The following GCA variants were observed in gnomAD, a reference collection of about 807,000 sequenced individuals.
The protein encoded by GCA is grancalcin, also known as grancalcin, EF-hand calcium-binding protein.
Under a neutral mutation model 32.6 loss-of-function variants are expected in GCA, and 30 were observed. The ratio of observed to expected loss-of-function variants is 0.92; its 90% CI spans 0.69 to 1.25. The LOEUF (loss-of-function observed/expected upper bound fraction) is 1.25. Among genes scored for constraint, GCA ranks in the 50% most tolerant of loss-of-function variants. The probability of loss-of-function intolerance (pLI) is 0.00; values close to 1 mark genes in which losing one functional copy is unlikely to be tolerated. For synonymous variants in GCA, 102 were observed against 84.6 expected, an observed-to-expected ratio of 1.21 and a Z score of -1.13; for missense variants, 291 against 266.8, an observed-to-expected ratio of 1.09 and a Z score of -0.63.
At chr2:162,342,696 T>G (rs1037135971), upstream of GCA, among the ~76,000 whole-genome samples, 6 of 152,202 alleles carry the variant, frequency 3.9e-5, no homozygotes, top group Non-Finnish European at 7.4e-5. Flanking sequence ...AAGGCTATTT[T>G]GATGAAAACA....
chr2:162,344,416 G>C (rs1470287684), intron 1 of GCA, 141 bp downstream of exon 1: 2 of 775,690 alleles, frequency 2.6e-6, no homozygotes, highest in Non-Finnish European at 4.3e-6. Context: ...TTCCGGGGCT[G>C]TTGGGGGCCA....
intron 3 of GCA, among the ~76,000 whole-genome samples, chr2:162,353,330 TGGTGGC>T (rs1261938652): frequency 1.3e-5 from 2 of 152,052 alleles, no homozygotes; most frequent in African/African-American, 4.8e-5. Flanking sequence ...TAACTGGGCG[TGGTGGC>T]ACGCACCTGT....
Position 162,360,432 on chromosome 2 carries a change from T to A in GCA, c.*189T>A. 8.5e-7 allele frequency: 1 copy of A among 1,180,794 alleles called. No individual in the cohort carries two copies. Among genetic ancestry groups the A allele is most frequent in the Non-Finnish European group, 1.1e-6 (1 of 904,732 alleles). The allele number at this position is 1,180,794 out of a possible 1,614,324, so 73.1% of individuals were successfully genotyped here. A position where few individuals can be genotyped will look rare whatever the true frequency, so the allele number is the denominator to read the frequency against. Reference sequence around the variant, plus strand: ...AAGATTTCTTTTTTAATTTGAGGTATTACTGCTTTTGGAAAAGTTATTTTA... The same window carrying A: ...AAGATTTCTTTTTTAATTTGAGGTAATACTGCTTTTGGAAAAGTTATTTTA... On this transcript the variant is annotated 3_prime_UTR_variant, in exon 8 of 8. Transcript: ENST00000437150.
chr2:162,345,067 A>G (rs922643560), intron 1 of GCA, among the ~76,000 whole-genome samples: 1 of 125,562 alleles, frequency 8.0e-6, no homozygotes, highest in Non-Finnish European at 1.6e-5. Flanking sequence ...GGTCTTCAAA[A>G]GAGTTACTCC....
downstream of GCA, among the ~76,000 whole-genome samples, chr2:162,365,718 TTTCAGCTAAAAA>T (rs1685731925): frequency 6.6e-6 from 1 of 151,616 alleles, no homozygotes; most frequent in South Asian, 2.1e-4. Flanking sequence ...AAAATGCAAA[TTTCAGCTAAAAA>T]GCGTTAATGT....
At position 162,362,198 on chromosome 2, in the gene GCA, A is replaced by C. The variant is rs1685601073; in HGVS notation, c.*1955A>C. Reference sequence around the variant, plus strand: ...CATCTGAAACCCCAAGGTTAATAAAATCAGTCATGTTTAATTTTATTTGAC... The same window carrying C: ...CATCTGAAACCCCAAGGTTAATAAACTCAGTCATGTTTAATTTTATTTGAC... On this transcript the variant is annotated 3_prime_UTR_variant, in exon 8 of 8. Coordinates refer to ENST00000437150, the MANE Select transcript of GCA (RefSeq NM_012198.5). 6.1e-6 allele frequency: 6 copies of C among 984,430 alleles called. No homozygotes were observed. Among genetic ancestry groups the C allele is most frequent in the Non-Finnish European group, 7.2e-6 (6 of 829,302 alleles). 61.0% of individuals were successfully genotyped at this position (984,430 alleles called of 1,614,324 possible).
rs1243075701 is a variant in GCA at position 162,344,261 on chromosome 2, G to T, written c.13G>T (p.Gly5Ter). 7 of 1,613,602 alleles carry T rather than the reference G, an allele frequency of 4.3e-6. No homozygotes were observed. The East Asian group carries it at 1.3e-4, about 31-fold the overall frequency. ...CGTCCCGCTCGTCATGGCCTACCCG[G>T]GATACGGAGGAGGGGTGAGTCCCAG... MAYP[G>*]YGGGFGNFSI... Residue 5 changes from glycine (G) to a stop codon, truncating the protein, a stop_gained, in exon 1 of 8, where the codon GGA becomes TGA. Transcript: ENST00000437150. LOFTEE classifies it high-confidence loss of function.
At chr2:162,321,415 G>A (rs926509513) in intron 1 of GCA, among the ~76,000 whole-genome samples, 3 of 152,030 alleles carry the variant, frequency 2.0e-5, no homozygotes, top group Non-Finnish European at 4.4e-5. Flanking sequence ...ACAATTTAAC[G>A]ACCATGCATA....
chr2:162,334,362 T>C (rs1027661779), intron 1 of GCA, among the ~76,000 whole-genome samples: 6 of 152,248 alleles, frequency 3.9e-5, no homozygotes, highest in Non-Finnish European at 7.3e-5. Context: ...AAACATGTTA[T>C]AAAGGCAGAG....
chr2:162,334,426 GA>G (rs1267675203), intron 1 of GCA, among the ~76,000 whole-genome samples: 1 of 151,968 alleles, frequency 6.6e-6, no homozygotes, highest in African/African-American at 2.4e-5. Context: ...CCAATCTTCA[GA>G]AAAAAATCAT....
chr2:162,360,113 C>A, intron 7 of GCA, 104 bp from the exon 8 acceptor site: 1 of 706,244 alleles, frequency 1.4e-6, no homozygotes, highest in Non-Finnish European at 2.4e-6. Flanking sequence ...GCCTTGGAAA[C>A]AAACTTTTCT....
rs1384748262 is a variant in GCA at position 162,360,759 on chromosome 2, A to G, written c.*516A>G. The G allele has an allele frequency of 7.2e-7, 1 of 1,386,244 alleles. No individual in the cohort carries two copies. Among genetic ancestry groups the G allele is most frequent in the African/African-American group, 1.5e-5 (1 of 67,510 alleles). The allele number at this position is 1,386,244 out of a possible 1,614,324, so 85.9% of individuals were successfully genotyped here. A position where few individuals can be genotyped will look rare whatever the true frequency, so the allele number is the denominator to read the frequency against. On this transcript the variant is annotated 3_prime_UTR_variant, in exon 8 of 8. Coordinates refer to ENST00000437150, the MANE Select transcript of GCA (RefSeq NM_012198.5). ...TCAAATAATCAGAGAAAAGAAACTT[A>G]AAGATCTTTGTCTGTGAAGAAGAAA...
chr2:162,343,808 G>C (rs1386559080), upstream of GCA, among the ~76,000 whole-genome samples: 1 of 152,194 alleles, frequency 6.6e-6, no homozygotes, highest in African/African-American at 2.4e-5. Context: ...GGGGTTTCTA[G>C]AAAGAAAAGT....
At chr2:162,333,708 A>G (rs1407460941) in intron 1 of GCA, among the ~76,000 whole-genome samples, 1 of 152,176 alleles carries the variant, frequency 6.6e-6, no homozygotes, top group Non-Finnish European at 1.5e-5. Context: ...TATGATTTTT[A>G]ATAGAGAAAA....
intron 5 of GCA, among the ~76,000 whole-genome samples, chr2:162,358,519 G>A (rs1465202555): frequency 1.3e-5 from 2 of 151,328 alleles, no homozygotes; most frequent in Non-Finnish European, 3.0e-5. Flanking sequence ...TACAGTGTAT[G>A]AAGAAACACT....
chr2:162,350,345 G>C (rs556844706), intron 2 of GCA, among the ~76,000 whole-genome samples: 2 of 152,262 alleles, frequency 1.3e-5, no homozygotes, highest in Non-Finnish European at 1.5e-5. Flanking sequence ...AGGGAATGTG[G>C]AAAAATGTAG....
downstream of GCA, among the ~76,000 whole-genome samples, chr2:162,372,501 G>C (rs1685990890): frequency 1.3e-5 from 2 of 152,118 alleles, no homozygotes; most frequent in Non-Finnish European, 2.9e-5. Context: ...TCCCTAGTCA[G>C]ATAATATTAC....
intron 1 of GCA, among the ~76,000 whole-genome samples, chr2:162,333,334 T>C (rs1448474716): frequency 6.6e-6 from 1 of 152,148 alleles, no homozygotes; most frequent in African/African-American, 2.4e-5. Context: ...ATAATGTAAA[T>C]GTATACTGCA....
chr2:162,323,874 A>T (rs1258880729), intron 1 of GCA, among the ~76,000 whole-genome samples: 1 of 151,694 alleles, frequency 6.6e-6, no homozygotes, highest in Non-Finnish European at 1.5e-5. Flanking sequence ...TTGGCTTAGG[A>T]TTGACTTGGC....
Sources: gnomAD v4.1 joint callset for allele counts (sites outside exome capture counted in the v4.1 genomes callset) on GRCh38, gnomAD v4.1.1 for gene constraint, MANE v1.5 for transcripts, NCBI Gene and HGNC (gene_info 2026-07-23, HGNC 2026-07-21) for gene names.